Variants in CFAP44 observed in about 807,000 individuals in gnomAD.
CFAP44 encodes cilia- and flagella-associated protein 44.
A neutral mutation model predicts 216.2 loss-of-function variants in CFAP44; 134 were observed. The ratio of observed to expected loss-of-function variants is 0.62; its 90% CI spans 0.54 to 0.72. CFAP44 has a LOEUF of 0.72. CFAP44 is among the 30% of genes least tolerant of loss of function. CFAP44 has a pLI of 0.00. For missense variants in CFAP44, 2,035 were observed against 2,182.1 expected, an observed-to-expected ratio of 0.93 and a Z score of 1.34; for synonymous variants, 700 against 727.6, an observed-to-expected ratio of 0.96 and a Z score of 0.61.
At chr3:113,412,773 T>C (rs565067076) in intron 6 of CFAP44, among the ~76,000 whole-genome samples, 2 of 152,328 alleles carry the variant, frequency 1.3e-5, no homozygotes, top group African/African-American at 4.8e-5. Flanking sequence ...CAGTCTATCA[T>C]TGATGGGCAC....
At chr3:113,434,751 C>G (rs1338782667) in intron 1 of CFAP44, 2 of 152,168 alleles carry the variant, frequency 1.3e-5, no homozygotes, top group Non-Finnish European at 2.9e-5. Flanking sequence ...AACTAGCTAA[C>G]TAAACTTTAT....
chr3:113,370,168 C>G (rs1248214782), intron 18 of CFAP44, among the ~76,000 whole-genome samples: 1 of 152,132 alleles, frequency 6.6e-6, no homozygotes, highest in Non-Finnish European at 1.5e-5. Context: ...GGAGCCAGTA[C>G]CACTCCTTCT....
intron 25 of CFAP44, among the ~76,000 whole-genome samples, chr3:113,332,149 G>C (rs1463057300): frequency 1.3e-5 from 2 of 152,190 alleles, no homozygotes; most frequent in Non-Finnish European, 2.9e-5. Flanking sequence ...CCTCTAGCTA[G>C]AGTATGAAAT....
chr3:113,300,649 AT>A (rs1315946498), intron 32 of CFAP44, among the ~76,000 whole-genome samples: 9 of 152,006 alleles, frequency 5.9e-5, no homozygotes, highest in Admixed American at 1.3e-4. Context: ...ATACATATCA[AT>A]TTTTTTAAAG....
Position 113,296,905 on chromosome 3 carries a change from G to T in CFAP44, c.5078-20C>A. 2 of 1,537,172 alleles carry T rather than the reference G, an allele frequency of 1.3e-6. No homozygotes were observed. The highest frequency in any genetic ancestry group is 1.2e-5 in the South Asian group (1 of 84,060). On this transcript the variant is annotated intron_variant, in intron 32 of 34. Transcript: ENST00000393845. ...CCATTTCTAAAAGAAGACAGTCACT[G>T]GCTCAGGTTGTTCAATGGCTCCCAT...
intron 23 of CFAP44, among the ~76,000 whole-genome samples, chr3:113,342,442 A>AT (rs927075166): frequency 2.0e-5 from 3 of 152,218 alleles, no homozygotes; most frequent in South Asian, 2.1e-4. Flanking sequence ...TCTAAGCCAC[A>AT]TTTTTTGCTT....
intron 19 of CFAP44, among the ~76,000 whole-genome samples, chr3:113,365,635 AC>A (rs1559924863): frequency 6.6e-6 from 1 of 152,140 alleles, no homozygotes; most frequent in Non-Finnish European, 1.5e-5. Context: ...TATTTTTGCA[AC>A]CCCTATCAAA....
At chr3:113,348,718 G>A (rs1487259312) in intron 22 of CFAP44, among the ~76,000 whole-genome samples, 1 of 152,126 alleles carries the variant, frequency 6.6e-6, no homozygotes, top group Non-Finnish European at 1.5e-5. Context: ...CAAGCTGTAG[G>A]GGGAGGGGAA....
chr3:113,388,227 G>A (rs535449868), intron 15 of CFAP44, among the ~76,000 whole-genome samples: 2 of 152,222 alleles, frequency 1.3e-5, no homozygotes, highest in South Asian at 4.1e-4. Context: ...CAGGCCTTGG[G>A]CAAGACTCGG....
intron 9 of CFAP44, 34 bp downstream of exon 9, chr3:113,403,818 T>A: frequency 1.3e-6 from 2 of 1,597,670 alleles, no homozygotes; most frequent in Non-Finnish European, 1.7e-6. Context: ...GTCTTAAACG[T>A]GGGTGCTACC....
intron 32 of CFAP44, among the ~76,000 whole-genome samples, chr3:113,302,772 C>CAAAAAAAAAAAAAAAAAAAAAAAAAA (rs57355375): frequency 2.2e-5 from 1 of 44,510 alleles, no homozygotes; most frequent in Non-Finnish European, 4.7e-5. Flanking sequence ...GACTCCATCT[C>CAAAAAAAAAAAAAAAAAAAAAAAAAA]AAAAAAAAAA....
chr3:113,338,025 G>A (rs1210104043), intron 24 of CFAP44, among the ~76,000 whole-genome samples: 4 of 151,930 alleles, frequency 2.6e-5, no homozygotes, highest in Non-Finnish European at 5.9e-5. Context: ...CACTTTGGGA[G>A]GCCAGGGCAG....
rs576576735 is a variant in CFAP44, at chr3:113,408,838, G to T, written c.890+268C>A. On this transcript the variant is annotated intron_variant, in intron 7 of 34. Coordinates refer to ENST00000393845, the MANE Select transcript of CFAP44 (RefSeq NM_001164496.2). The stretch of plus-strand genomic sequence containing the variant: ...AGATCATGCCATTGCACTCCAGCCT[G>T]GGCAACAAAAGCGAAACTCCATTTC... Among the ~76,000 whole-genome samples the T allele has an allele frequency of 6.2e-4, 91 of 146,888 alleles. 2 individuals are homozygous for T. The South Asian group carries it at 0.019, about 30-fold the overall frequency.
At chr3:113,305,924 A>G (rs1438290073) in intron 30 of CFAP44, among the ~76,000 whole-genome samples, 1 of 152,194 alleles carries the variant, frequency 6.6e-6, no homozygotes, top group Admixed American at 6.5e-5. Context: ...ATAAATACAT[A>G]TACATTTATT....
intron 24 of CFAP44, among the ~76,000 whole-genome samples, chr3:113,334,554 T>C (rs1576553344): frequency 6.6e-6 from 1 of 152,108 alleles, no homozygotes; most frequent in East Asian, 1.9e-4. Flanking sequence ...ACAAAAAGGA[T>C]TGAATATTAT....
intron 1 of CFAP44, among the ~76,000 whole-genome samples, chr3:113,438,735 AT>A (rs1198039639): frequency 6.6e-6 from 1 of 151,974 alleles, no homozygotes; most frequent in African/African-American, 2.4e-5. Flanking sequence ...TTTGACCCTT[AT>A]TTTTTCTTCC....
At chr3:113,329,626 CCCA>C (rs1189469613) in intron 26 of CFAP44, among the ~76,000 whole-genome samples, 1 of 152,188 alleles carries the variant, frequency 6.6e-6, no homozygotes, top group Non-Finnish European at 1.5e-5. Flanking sequence ...GAACATCCTG[CCCA>C]ACAGGCCCTA....
At chr3:113,389,548 A>C (rs1316221867) in intron 15 of CFAP44, among the ~76,000 whole-genome samples, 1 of 152,156 alleles carries the variant, frequency 6.6e-6, no homozygotes, top group African/African-American at 2.4e-5. Flanking sequence ...AATTGAAAGA[A>C]AACAAAAGAT....
intron 6 of CFAP44, among the ~76,000 whole-genome samples, chr3:113,410,312 C>T (rs566899756): frequency 2.0e-5 from 3 of 152,154 alleles, no homozygotes; most frequent in Non-Finnish European, 4.4e-5. Flanking sequence ...TCCCACCCCA[C>T]GACAGGCCCC....
Sources: gnomAD v4.1 joint callset for allele counts (sites outside exome capture counted in the v4.1 genomes callset) on GRCh38, gnomAD v4.1.1 for gene constraint, MANE v1.5 for transcripts, NCBI Gene and HGNC (gene_info 2026-07-23, HGNC 2026-07-21) for gene names.